Variants in SPTBN1 observed in about 807,000 individuals in gnomAD.
SPTBN1 encodes the protein spectrin beta chain, non-erythrocytic 1.
SPTBN1 carries 32 observed loss-of-function variants against 266.4 expected under a neutral mutation model. The ratio of observed to expected loss-of-function variants is 0.12; its 90% CI spans 0.09 to 0.16. The LOEUF is 0.16. SPTBN1 is among the 10% of genes least tolerant of loss of function. The pLI, the probability that SPTBN1 is intolerant of heterozygous loss-of-function variation, is 1.00. For missense variants in SPTBN1, 2,296 were observed against 3,067.1 expected (o/e 0.75, Z 5.94); for synonymous variants, 1,336 against 1,162.2 (o/e 1.15, Z -3.04).
chr2:54,480,709 G>A (rs965635065), intron 1 of SPTBN1, among the ~76,000 whole-genome samples: 1 of 152,224 alleles, frequency 6.6e-6, no homozygotes, highest in Non-Finnish European at 1.5e-5. Context: ...CTGAGTTGCT[G>A]CTGCTGGTTC....
intron 17 of SPTBN1, among the ~76,000 whole-genome samples, chr2:54,634,968 G>T (rs1679019157): frequency 6.6e-6 from 1 of 152,216 alleles, no homozygotes. Context: ...TTCATGGGGA[G>T]CAAGGAACAG....
chr2:54,636,503 C>G (rs987317133), intron 17 of SPTBN1, among the ~76,000 whole-genome samples: 2 of 152,164 alleles, frequency 1.3e-5, no homozygotes, highest in Non-Finnish European at 2.9e-5. Context: ...GCATTGTCAG[C>G]AGCCACTGAG....
chr2:54,560,793 A>C (rs1184664101), intron 2 of SPTBN1, among the ~76,000 whole-genome samples: 1 of 152,218 alleles, frequency 6.6e-6, no homozygotes, highest in Non-Finnish European at 1.5e-5. Flanking sequence ...CATGTTGAGG[A>C]ATTGAGAAAG....
chr2:54,667,424 A>G (rs1681437535), intron 34 of SPTBN1, among the ~76,000 whole-genome samples, 180 bp from the exon 35 acceptor site: 1 of 152,028 alleles, frequency 6.6e-6, no homozygotes, highest in East Asian at 1.9e-4. Context: ...TGGCTTCTTG[A>G]TCTCCAGGGG....
At chr2:54,566,185 CTTTTTTTT>C (rs59369956) in intron 2 of SPTBN1, among the ~76,000 whole-genome samples, 3,136 of 125,242 alleles carry the variant, frequency 0.025, 135 homozygotes, top group African/African-American at 0.09. Flanking sequence ...TTTCTTTTTT[CTTTTTTTT>C]TTTTTTTTTT....
intron 2 of SPTBN1, among the ~76,000 whole-genome samples, chr2:54,535,997 C>A (rs1671575572): frequency 6.6e-6 from 1 of 152,160 alleles, no homozygotes; most frequent in Admixed American, 6.5e-5. Context: ...TCCAGCCTGG[C>A]TGGGTGACAA....
chr2:54,472,090 C>T (rs1487489003), intron 1 of SPTBN1, among the ~76,000 whole-genome samples: 3 of 127,502 alleles, frequency 2.4e-5, no homozygotes, highest in African/African-American at 6.2e-5. Flanking sequence ...TGCAGTGGCG[C>T]GATCTTGGCT....
At chr2:54,625,094 T>A (rs1374903627) in intron 11 of SPTBN1, 132 bp downstream of exon 11, 1 of 1,057,008 alleles carries the variant, frequency 9.5e-7, no homozygotes, top group Non-Finnish European at 1.3e-6. Context: ...CAGGTCACCT[T>A]GGCCCCTTCC....
chr2:54,644,753 A>G (rs142623422), intron 20 of SPTBN1, among the ~76,000 whole-genome samples, 167 bp downstream of exon 20: 2 of 152,366 alleles, frequency 1.3e-5, no homozygotes, highest in Non-Finnish European at 2.9e-5. Flanking sequence ...TTTCCAGAAT[A>G]GAAAGACACT....
In SPTBN1 at chr2:54,646,379, G is replaced by A. The variant is rs1453331002; in HGVS notation, c.4770G>A (p.Glu1590=). 6.2e-7 allele frequency: 1 copy of A among 1,613,350 alleles called. No individual in the cohort carries two copies. The highest frequency in any genetic ancestry group is 8.5e-7 in the Non-Finnish European group (1 of 1,179,716). Residue 1590 remains glutamate, a synonymous_variant, in exon 23 of 36, where the codon GAG becomes GAA. Coordinates refer to ENST00000356805, the MANE Select transcript of SPTBN1 (RefSeq NM_003128.3). The surrounding 1 kb of genome is among the most constrained non-coding windows in gnomAD (Gnocchi z 4.4). The part of the protein sequence containing the change: ...ETEKRHRRLE[E]AHRAQQYYFD... The stretch of plus-strand genomic sequence containing the variant: ...AGAAACGCCACAGGCGGCTGGAGGA[G>A]GCGCACAGGGCCCAGCAGTACTACT...
chr2:54,651,893 A>G (rs1177759842), intron 26 of SPTBN1, among the ~76,000 whole-genome samples: 1 of 152,182 alleles, frequency 6.6e-6, no homozygotes, highest in Non-Finnish European at 1.5e-5. Context: ...TCTTCTTTGT[A>G]TCTTTTGCAG....
At position 54,631,319 on chromosome 2, in the gene SPTBN1, C is replaced by T. The variant is rs764648974; in HGVS notation, c.3272C>T (p.Pro1091Leu). ...TQTAIASEDM[P>L]NTLTEAEKLL... The stretch of plus-strand genomic sequence containing the variant: ...ACAGCGATCGCCTCGGAGGACATGC[C>T]AAACACCCTGACCGAGGCTGAGAAG... Residue 1091 changes from proline (P) to leucine (L), a missense_variant, in exon 16 of 36, where the codon CCA becomes CTA. Physicochemically the swap from Pro to Leu is moderately conservative, Grantham distance 98. Coordinates refer to ENST00000356805, the MANE Select transcript of SPTBN1 (RefSeq NM_003128.3). 3 of 1,614,264 alleles carry T rather than the reference C, an allele frequency of 1.9e-6. No homozygotes were observed. Among genetic ancestry groups the T allele is most frequent in the Non-Finnish European group, 1.7e-6 (2 of 1,180,048 alleles).
chr2:54,561,221 C>G (rs533784627), intron 2 of SPTBN1, among the ~76,000 whole-genome samples: 1 of 152,322 alleles, frequency 6.6e-6, no homozygotes, highest in African/African-American at 2.4e-5. Context: ...CACGACTCAA[C>G]AGCAGCCTTG....
At position 54,669,350 on chromosome 2, in the gene SPTBN1, A is replaced by C. The variant is rs1441067624; in HGVS notation, c.*781A>C. On this transcript the variant is annotated 3_prime_UTR_variant, in exon 36 of 36. Transcript: ENST00000356805. ...CCCTTTAAATCATTGGTAAGTGTACAAGTGGTGGAACTGAAGCATTTACTG... is the reference window on the plus strand; with the variant it reads ...CCCTTTAAATCATTGGTAAGTGTACCAGTGGTGGAACTGAAGCATTTACTG... The C allele has an allele frequency of 1.3e-5, 2 of 152,598 alleles. No homozygotes were observed. The highest frequency in any genetic ancestry group is 1.3e-4 in the Admixed American group (2 of 15,276). 9.5% of individuals were successfully genotyped at this position (152,598 alleles called of 1,614,324 possible).
rs1418241700 is a variant in SPTBN1, at chr2:54,466,522, A to G, written c.-48+10004A>G. Among the ~76,000 whole-genome samples the G allele has an allele frequency of 2.1e-4, 5 of 23,414 alleles. 1 individual carries two copies. The highest frequency in any genetic ancestry group is 5.6e-4 in the Admixed American group (1 of 1,770). The allele number at this position is 23,414 out of a possible 152,430, so 15.4% of individuals were successfully genotyped here. A position where few individuals can be genotyped will look rare whatever the true frequency, so the allele number is the denominator to read the frequency against. Reference sequence around the variant, plus strand: ...GCTTGCAGTGAGCCGAGATCGCGCCACTGCACTCCAGCCTGGGCGACAGAG... The same window carrying G: ...GCTTGCAGTGAGCCGAGATCGCGCCGCTGCACTCCAGCCTGGGCGACAGAG... On this transcript the variant is annotated intron_variant, in intron 1 of 35. Coordinates refer to ENST00000356805, the MANE Select transcript of SPTBN1 (RefSeq NM_003128.3).
At chr2:54,627,813 C>T (rs985032590) in intron 12 of SPTBN1, among the ~76,000 whole-genome samples, 11 of 150,822 alleles carry the variant, frequency 7.3e-5, no homozygotes, top group Non-Finnish European at 1.3e-4. Flanking sequence ...CGCTGGCCCT[C>T]ACCATCTTTT....
In SPTBN1 at chr2:54,626,045, C is replaced by T. The variant is rs749639889; in HGVS notation, c.1455C>T (p.Ala485=). 2 of 1,614,166 alleles carry T rather than the reference C, an allele frequency of 1.2e-6. No individual in the cohort carries two copies. Among genetic ancestry groups the T allele is most frequent in the South Asian group, 2.2e-5 (2 of 91,072 alleles). ...EERVQAVVAV[A]RELEAENYHD... Reference sequence around the variant, plus strand: ...GTGTGCAGGCTGTGGTAGCCGTGGCCAGGGAGCTCGAGGCCGAGAATTACC... The same window carrying T: ...GTGTGCAGGCTGTGGTAGCCGTGGCTAGGGAGCTCGAGGCCGAGAATTACC... The change falls in exon 12 of 36, where the codon GCC becomes GCT. Residue 485 remains alanine, a synonymous_variant. Transcript: ENST00000356805. This position sits in a 1 kb window ranked among gnomAD's most constrained non-coding sequence, Gnocchi z 4.7.
In SPTBN1 at chr2:54,655,959, A is replaced by G; in HGVS notation, c.6007A>G (p.Ile2003Val). 1 of 1,613,674 alleles carries G rather than the reference A, an allele frequency of 6.2e-7. No homozygotes were observed. The highest frequency in any genetic ancestry group is 1.7e-5 in the Admixed American group (1 of 60,016). Residue 2003 changes from isoleucine to valine, a missense_variant, in exon 29 of 36, where the codon ATC becomes GTC. By Grantham distance (29) the Ile-to-Val change is conservative. This residue lies in a region of SPTBN1 where 644 missense variants were observed against 745.3 expected (regional missense o/e 0.86). Coordinates refer to ENST00000356805, the MANE Select transcript of SPTBN1 (RefSeq NM_003128.3). The stretch of plus-strand genomic sequence containing the variant: ...GTTGACGGAAAAGAGGAAAGAAATG[A>G]TCGACAAGTGGGAAGACCGATGGGA... The part of the protein sequence containing the change: ...LQLTEKRKEM[I>V]DKWEDRWEWL...
chr2:54,564,344 T>A (rs1673528851), intron 2 of SPTBN1, among the ~76,000 whole-genome samples: 2 of 152,146 alleles, frequency 1.3e-5, no homozygotes. Context: ...TGGATGATGG[T>A]TCCATGTCAT....
Sources: allele counts gnomAD v4.1 joint callset (sites outside exome capture counted in the v4.1 genomes callset), GRCh38; gene constraint gnomAD v4.1.1; regional missense constraint gnomAD v4.1.1; non-coding constraint Gnocchi (gnomAD v3.1); transcripts MANE v1.5; gene names NCBI Gene and HGNC (gene_info 2026-07-23, HGNC 2026-07-21).